CEP63: variants seen among roughly 807,000 people sequenced by gnomAD.
CEP63 encodes the protein centrosomal protein 63, also known as centrosomal protein of 63 kDa.
Under a neutral mutation model 89.1 loss-of-function variants are expected in CEP63, and 84 were observed. The observed-to-expected ratio is 0.94, with a 90% CI of 0.79 to 1.13. The LOEUF is 1.13. Among genes scored for constraint, CEP63 ranks in the 50% most tolerant of loss-of-function variants. CEP63 has a pLI of 0.00. For missense variants in CEP63, 838 were observed against 813.3 expected, an observed-to-expected ratio of 1.03 and a Z score of -0.37; for synonymous variants, 267 against 272.5, an observed-to-expected ratio of 0.98 and a Z score of 0.20.
At chr3:134,671,550 C>T in the CEP63 span, among the ~76,000 whole-genome samples, 1 of 152,238 alleles carries the variant, frequency 6.6e-6, no homozygotes, top group Non-Finnish European at 1.5e-5. Flanking sequence ...TTGTTCACTT[C>T]CAGTGGCGAG....
At chr3:134,727,938 C>T in the CEP63 span, among the ~76,000 whole-genome samples, 1 of 151,858 alleles carries the variant, frequency 6.6e-6, no homozygotes, top group South Asian at 2.1e-4. Flanking sequence ...TAAAAAATCC[C>T]CTGGAGACAA....
Position 134,550,144 on chromosome 3 carries a change from C to G in CEP63, c.1264C>G (p.Gln422Glu). The G allele has an allele frequency of 6.2e-7, 1 of 1,613,850 alleles. No homozygotes were observed. The highest frequency in any genetic ancestry group is 8.5e-7 in the Non-Finnish European group (1 of 1,179,740). Residue 422 changes from glutamine (Q) to glutamate (E), a missense_variant, in exon 11 of 15, where the codon CAG becomes GAG. Transcript: ENST00000675561. The part of the protein sequence containing the change: ...GMKMEISHLT[Q>E]ELHQRDITIA... ...GAAGATGGAAATCTCCCATCTAACT[C>G]AGGAGTTACATCAGCGAGATATCAC... is the stretch of plus-strand genomic sequence containing the variant.
At chr3:134,654,089 C>A in the CEP63 span, among the ~76,000 whole-genome samples, 4 of 152,172 alleles carry the variant, frequency 2.6e-5, no homozygotes, top group Non-Finnish European at 5.9e-5. Context: ...TGTATTGTCA[C>A]CTTTGTCAAA....
the CEP63 span, among the ~76,000 whole-genome samples, chr3:134,725,895 G>A: frequency 2.6e-5 from 4 of 152,212 alleles, no homozygotes; most frequent in African/African-American, 9.6e-5. Context: ...AGCGAGGGCA[G>A]CAGAGGCCAC....
the CEP63 span, among the ~76,000 whole-genome samples, chr3:134,708,464 C>G: frequency 6.6e-6 from 1 of 152,222 alleles, no homozygotes; most frequent in Non-Finnish European, 1.5e-5. Flanking sequence ...CCTGTCAGGC[C>G]TCTCCAGGCT....
the CEP63 span, among the ~76,000 whole-genome samples, chr3:134,694,963 G>A: frequency 6.6e-6 from 1 of 152,308 alleles, no homozygotes; most frequent in South Asian, 2.1e-4. Flanking sequence ...TTGTGGTGTG[G>A]AAGATGGCTG....
At chr3:134,690,456 A>G in the CEP63 span, among the ~76,000 whole-genome samples, 4 of 152,332 alleles carry the variant, frequency 2.6e-5, no homozygotes, top group Non-Finnish European at 4.4e-5. Flanking sequence ...GCACTGCAAT[A>G]GAGTGTTTAT....
downstream of CEP63, among the ~76,000 whole-genome samples, chr3:134,565,950 A>G (rs1034922261): frequency 1.3e-5 from 2 of 152,188 alleles, no homozygotes; most frequent in African/African-American, 4.8e-5. Flanking sequence ...TTGATGGCAT[A>G]AGGCTGACAT....
the CEP63 span, among the ~76,000 whole-genome samples, chr3:134,766,893 C>T: frequency 6.6e-6 from 1 of 152,202 alleles, no homozygotes; most frequent in Non-Finnish European, 1.5e-5. Context: ...CTCTGAACCC[C>T]CCTGACCAAC....
the CEP63 span, among the ~76,000 whole-genome samples, chr3:134,681,576 G>A: frequency 6.6e-6 from 1 of 152,200 alleles, no homozygotes; most frequent in Non-Finnish European, 1.5e-5. Flanking sequence ...GGACTACTGT[G>A]AAGCTATGGC....
At chr3:134,662,828 A>G in the CEP63 span, among the ~76,000 whole-genome samples, 1 of 152,208 alleles carries the variant, frequency 6.6e-6, no homozygotes, top group Non-Finnish European at 1.5e-5. Flanking sequence ...GTGGGCATGC[A>G]CAGCTATTGG....
At chr3:134,685,703 C>A in the CEP63 span, among the ~76,000 whole-genome samples, 2 of 152,162 alleles carry the variant, frequency 1.3e-5, no homozygotes, top group African/African-American at 4.8e-5. Flanking sequence ...TATGGAGAAA[C>A]TCTAACTTTA....
At chr3:134,588,387 T>G (rs1381331828), downstream of CEP63, among the ~76,000 whole-genome samples, 2 of 152,186 alleles carry the variant, frequency 1.3e-5, no homozygotes, top group Non-Finnish European at 2.9e-5. Flanking sequence ...AATATAATCC[T>G]TGACTGAGTA....
At chr3:134,665,592 G>A in the CEP63 span, among the ~76,000 whole-genome samples, 4 of 151,952 alleles carry the variant, frequency 2.6e-5, no homozygotes, top group Non-Finnish European at 5.9e-5. Flanking sequence ...GTTCCCGGCC[G>A]CCAGCCCGGA....
chr3:134,485,895 C>A, upstream of CEP63: 1 of 724,216 alleles, frequency 1.4e-6, no homozygotes, highest in Non-Finnish European at 1.7e-6. Context: ...CGACACTGAG[C>A]AACGAACGCA....
chr3:134,548,056 T>C (rs1220569757), intron 9 of CEP63, among the ~76,000 whole-genome samples: 1 of 152,220 alleles, frequency 6.6e-6, no homozygotes, highest in African/African-American at 2.4e-5. Context: ...TCTGTAGTTA[T>C]ATCCTTTCTC....
intron 3 of CEP63, among the ~76,000 whole-genome samples, chr3:134,514,535 G>A (rs1025560418): frequency 4.6e-5 from 7 of 152,034 alleles, no homozygotes; most frequent in African/African-American, 1.7e-4. Flanking sequence ...AAGACAAAGG[G>A]AGGAATCTGA....
Position 134,503,549 on chromosome 3 carries a change from G to A in CEP63, c.45-3560G>A, listed in dbSNP as rs112013568. On this transcript the variant is annotated intron_variant, in intron 2 of 14. Coordinates refer to ENST00000675561, the MANE Select transcript of CEP63 (RefSeq NM_001353108.3). ...TTGGTCTGTAGTGTAGAACAAACTG[G>A]ATGTTTCTTTGTTGATTTTCTGTCT... is the stretch of plus-strand genomic sequence containing the variant. 1.7e-3 allele frequency among the ~76,000 whole-genome samples: 263 copies of A among 152,176 alleles called. 1 individual carries two copies. The highest frequency in any genetic ancestry group is 5.8e-3 in the African/African-American group (241 of 41,530).
At chr3:134,669,014 CCTT>C in the CEP63 span, among the ~76,000 whole-genome samples, 4 of 151,886 alleles carry the variant, frequency 2.6e-5, no homozygotes, top group Non-Finnish European at 5.9e-5. Context: ...CAGTATGCTT[CCTT>C]CTTCTTCCTT....
Sources: allele counts gnomAD v4.1 joint callset (sites outside exome capture counted in the v4.1 genomes callset), GRCh38; gene constraint gnomAD v4.1.1; transcripts MANE v1.5; gene names NCBI Gene and HGNC (gene_info 2026-07-23, HGNC 2026-07-21).